The following PNPT1 variants were observed in gnomAD, a reference collection of about 807,000 sequenced individuals.
PNPT1 encodes the protein polyribonucleotide nucleotidyltransferase 1.
PNPT1 carries 53 observed loss-of-function variants against 119.5 expected under a neutral mutation model. The observed-to-expected ratio is 0.44, with a 90% CI of 0.36 to 0.56. PNPT1 has a LOEUF of 0.56. Among genes scored for constraint, PNPT1 ranks in the 20% least tolerant of loss-of-function variants. The pLI is 0.00. For synonymous variants in PNPT1, 357 were observed against 322.1 expected, an observed-to-expected ratio of 1.11 and a Z score of -1.16; for missense variants, 948 against 938.5, an observed-to-expected ratio of 1.01 and a Z score of -0.13.
rs548231798 is a variant in PNPT1, at chr2:55,668,576, A to C, written c.977-618T>G. Among the ~76,000 whole-genome samples the C allele has an allele frequency of 5.6e-4, 84 of 151,020 alleles. No homozygotes were observed. The Middle Eastern group carries it at 0.011, about 19-fold the overall frequency. ...TTCTATTATGTTACCAGAAGAATCCAGTCAGCCTTTATGGAAAAGGTCTGA... is the reference window on the plus strand; with the variant it reads ...TTCTATTATGTTACCAGAAGAATCCCGTCAGCCTTTATGGAAAAGGTCTGA... On this transcript the variant is annotated intron_variant, in intron 11 of 27. Coordinates refer to ENST00000447944, the MANE Select transcript of PNPT1 (RefSeq NM_033109.5).
chr2:55,650,684 G>A (rs1368354837), intron 18 of PNPT1, among the ~76,000 whole-genome samples: 2 of 150,662 alleles, frequency 1.3e-5, no homozygotes, highest in African/African-American at 2.4e-5. Context: ...CTGCCGCCCC[G>A]TCCGGGATGT....
intron 1 of PNPT1, among the ~76,000 whole-genome samples, chr2:55,691,967 C>T (rs1406578366): frequency 1.4e-5 from 2 of 146,520 alleles, no homozygotes; most frequent in Non-Finnish European, 3.0e-5. Context: ...GCCACTGCAA[C>T]CTCTGCCTCC....
At chr2:55,662,634 A>G (rs1696613414) in intron 13 of PNPT1, among the ~76,000 whole-genome samples, 1 of 152,198 alleles carries the variant, frequency 6.6e-6, no homozygotes, top group Non-Finnish European at 1.5e-5. Flanking sequence ...AGATGACACC[A>G]CTGCACTCCA....
At chr2:55,637,670 T>C (rs1695716937) in intron 26 of PNPT1, 71 bp from the exon 27 acceptor site, 3 of 1,290,674 alleles carry the variant, frequency 2.3e-6, no homozygotes, top group African/African-American at 1.5e-5. Context: ...TACACATTTT[T>C]TCCTCAAGCT....
intron 13 of PNPT1, among the ~76,000 whole-genome samples, chr2:55,662,984 G>A (rs564144241): frequency 4.7e-4 from 72 of 151,624 alleles, no homozygotes; most frequent in African/African-American, 1.4e-3. Context: ...GGGTTCAGAC[G>A]ATTCTCCTAC....
In PNPT1 at chr2:55,660,195, TA is replaced by T. The variant is rs762087764; in HGVS notation, c.1248-3del. ...ATGAAATTTTTATCTTTTATCCCAC[TA>T]AAAATAAAAGGCATAATATTAAAAA... On this transcript the variant is annotated splice_region_variant and splice_polypyrimidine_tract_variant and intron_variant, in intron 14 of 27. Coordinates refer to ENST00000447944, the MANE Select transcript of PNPT1 (RefSeq NM_033109.5). The T allele has an allele frequency of 2.6e-5, 42 of 1,587,758 alleles. No homozygotes were observed. The East Asian group carries it at 4.3e-4, about 16-fold the overall frequency.
At chr2:55,640,532 T>C (rs1455598840) in intron 26 of PNPT1, 95 bp downstream of exon 26, 1 of 1,061,614 alleles carries the variant, frequency 9.4e-7, no homozygotes, top group East Asian at 2.4e-5. Flanking sequence ...AGGCTAGTAG[T>C]AGGCAAAGTG....
At chr2:55,645,465 A>T in intron 21 of PNPT1, 33 bp from the exon 22 acceptor site, 1 of 1,345,706 alleles carries the variant, frequency 7.4e-7, no homozygotes, top group Non-Finnish European at 1.1e-6. Context: ...TTATAACTAC[A>T]TAAAACAAAT....
chr2:55,680,549 T>C (rs1326741935), intron 7 of PNPT1, among the ~76,000 whole-genome samples, 163 bp downstream of exon 7: 2 of 151,552 alleles, frequency 1.3e-5, no homozygotes, highest in Non-Finnish European at 2.9e-5. Flanking sequence ...AAGACAAGGA[T>C]GAAAATGTCT....
intron 5 of PNPT1, among the ~76,000 whole-genome samples, chr2:55,681,634 C>T (rs989537279): frequency 3.3e-5 from 5 of 150,952 alleles, no homozygotes; most frequent in South Asian, 4.2e-4. Context: ...CACTTGAGGT[C>T]GGGAGTTCAA....
intron 7 of PNPT1, among the ~76,000 whole-genome samples, chr2:55,680,425 TAAAAAA>T (rs35483599): frequency 7.6e-6 from 1 of 132,230 alleles, no homozygotes. Context: ...ATTTCCCAGT[TAAAAAA>T]AAAAAAAAAA....
intron 15 of PNPT1, among the ~76,000 whole-genome samples, chr2:55,658,376 C>T (rs539528675): frequency 2.6e-5 from 4 of 152,078 alleles, no homozygotes; most frequent in Non-Finnish European, 4.4e-5. Context: ...TAAGAGACGA[C>T]GGGTATTGAG....
intron 15 of PNPT1, 95 bp downstream of exon 15, chr2:55,660,062 C>T (rs1696514717): frequency 2.4e-6 from 3 of 1,252,684 alleles, no homozygotes; most frequent in Non-Finnish European, 3.2e-6. Context: ...TGAGACTGCA[C>T]CACTCCACTC....
At chr2:55,683,007 A>C (rs1047040031) in intron 5 of PNPT1, among the ~76,000 whole-genome samples, 42 of 152,230 alleles carry the variant, frequency 2.8e-4, no homozygotes, top group African/African-American at 9.9e-4. Flanking sequence ...AATGAATGAA[A>C]TGGTTACTTA....
chr2:55,682,807 G>A (rs1697288790), intron 5 of PNPT1, among the ~76,000 whole-genome samples: 1 of 152,026 alleles, frequency 6.6e-6, no homozygotes, highest in South Asian at 2.1e-4. Context: ...TACTTAGGAG[G>A]CTAAATTGGG....
At position 55,672,901 on chromosome 2, in the gene PNPT1, A is replaced by G. The variant is rs1696958552; in HGVS notation, c.858T>C (p.Tyr286=). 2 of 1,598,580 alleles carry G rather than the reference A, an allele frequency of 1.3e-6. No homozygotes were observed. Among genetic ancestry groups the G allele is most frequent in the African/African-American group, 1.4e-5 (1 of 73,976 alleles). ...LFTPSPEIVK[Y]THKLAMERLY... is the part of the protein sequence containing the mutation. The stretch of plus-strand genomic sequence containing the variant: ...TGCACAGATGTTCTTACTTATGAGT[A>G]TATTTCACAATCTCTGGCGAAGGGG... The change falls in exon 9 of 28, where the codon TAT becomes TAC. Residue 286 remains tyrosine (Y), a synonymous_variant. Coordinates refer to ENST00000447944, the MANE Select transcript of PNPT1 (RefSeq NM_033109.5).
intron 3 of PNPT1, 31 bp downstream of exon 3, chr2:55,686,339 T>TTACA (rs1429161521): frequency 6.4e-7 from 1 of 1,566,980 alleles, no homozygotes; most frequent in Non-Finnish European, 8.8e-7. Flanking sequence ...TCAGACCATA[T>TTACA]TACAGTTCAG....
intron 13 of PNPT1, among the ~76,000 whole-genome samples, chr2:55,664,821 G>C (rs1015267937): frequency 6.6e-6 from 1 of 151,950 alleles, no homozygotes; most frequent in Admixed American, 6.5e-5. Flanking sequence ...AAGAAAACCT[G>C]AATCAAAGGT....
chr2:55,691,874 A>ATT (rs1559116755), intron 1 of PNPT1, among the ~76,000 whole-genome samples: 20 of 12,368 alleles, frequency 1.6e-3, no homozygotes, highest in African/African-American at 2.6e-3. Context: ...ATATATATAT[A>ATT]TATATTTTTT....
Sources: allele counts gnomAD v4.1 joint callset (sites outside exome capture counted in the v4.1 genomes callset), GRCh38; gene constraint gnomAD v4.1.1; transcripts MANE v1.5; gene names NCBI Gene and HGNC (gene_info 2026-07-23, HGNC 2026-07-21).